ALDH1A1: variants seen among roughly 807,000 people sequenced by gnomAD.
The protein encoded by ALDH1A1 is aldehyde dehydrogenase 1 family member A1, also known as aldehyde dehydrogenase 1A1.
A neutral mutation model predicts 62.1 loss-of-function variants in ALDH1A1; 19 were observed. The ratio of observed to expected loss-of-function variants is 0.31; its 90% CI spans 0.21 to 0.45. ALDH1A1 has a LOEUF of 0.45. Ranked by LOEUF, ALDH1A1 falls within the 20% of genes least tolerant of loss-of-function variation. ALDH1A1 has a pLI of 1.00. For missense variants in ALDH1A1, 521 were observed against 607.1 expected (o/e 0.86, Z 1.49); for synonymous variants, 231 against 215.9 (o/e 1.07, Z -0.61).
In ALDH1A1 at chr9:72,917,078, G is replaced by T. The variant is rs1830075217; in HGVS notation, c.877C>A (p.His293Asn). ...DLDNAVEFAH[H>N]GVFYHQGQCC... ...TGGCCCTGGTGGTAGAATACCCCAT[G>T]GTGTGCAAATTCAACAGCATTGTCC... The change falls in exon 9 of 13, where the codon CAT (histidine) becomes AAT (asparagine). Residue 293 changes from histidine to asparagine, a missense_variant. By Grantham distance (68) the His-to-Asn change is moderately conservative. Coordinates refer to ENST00000297785, the MANE Select transcript of ALDH1A1 (RefSeq NM_000689.5). 1.9e-6 allele frequency: 3 copies of T among 1,606,538 alleles called. No homozygotes were observed. The African/African-American group carries it at 4.0e-5, about 22-fold the overall frequency.
At chr9:72,942,660 A>C (rs1358040082) in intron 1 of ALDH1A1, among the ~76,000 whole-genome samples, 7 of 152,022 alleles carry the variant, frequency 4.6e-5, no homozygotes, top group Non-Finnish European at 8.8e-5. Flanking sequence ...ATGCTTTTCC[A>C]GTCTTTTGCT....
intron 1 of ALDH1A1, chr9:72,942,321 T>G (rs760201826): frequency 2.5e-4 from 250 of 985,240 alleles, no homozygotes; most frequent in Non-Finnish European, 3.0e-4. Flanking sequence ...CACTGTCATC[T>G]CTAGCTTTAT....
Position 72,928,995 on chromosome 9 carries a change from T to C in ALDH1A1, c.339A>G (p.Lys113=), listed in dbSNP as rs1260855930. The change falls in exon 4 of 13, where the codon AAA becomes AAG. Residue 113 remains lysine (K), a synonymous_variant. Transcript: ENST00000297785. The part of the protein sequence containing the change: ...LATMESMNGG[K]LYSNAYLNDL... The stretch of plus-strand genomic sequence containing the variant: ...CATTCAGATATGCATTGGAATAGAG[T>C]TTTCCACCATTCATTGACTCCATTG... The C allele has an allele frequency of 6.2e-7, 1 of 1,613,376 alleles. No individual in the cohort carries two copies. Among genetic ancestry groups the C allele is most frequent in the South Asian group, 1.1e-5 (1 of 91,004 alleles).
intron 12 of ALDH1A1, 126 bp downstream of exon 12, chr9:72,905,832 G>T: frequency 2.8e-6 from 2 of 702,542 alleles, no homozygotes; most frequent in Non-Finnish European, 4.7e-6. Flanking sequence ...GCTATTTGGT[G>T]CTATGAATCT....
intron 7 of ALDH1A1, among the ~76,000 whole-genome samples, chr9:72,923,116 C>T (rs558340839): frequency 5.3e-5 from 8 of 152,252 alleles, no homozygotes; most frequent in African/African-American, 1.9e-4. Flanking sequence ...AGTAACAATT[C>T]CTCAAAACCC....
chr9:72,935,278 A>G (rs576409538), intron 2 of ALDH1A1, among the ~76,000 whole-genome samples: 1 of 152,324 alleles, frequency 6.6e-6, no homozygotes, highest in African/African-American at 2.4e-5. Flanking sequence ...AACAGAAAAC[A>G]ATTTGGTACA....
chr9:72,950,844 T>A (rs1466104503), intron 1 of ALDH1A1, among the ~76,000 whole-genome samples: 2 of 124,228 alleles, frequency 1.6e-5, no homozygotes, highest in African/African-American at 6.0e-5. Flanking sequence ...GGGAACTTTT[T>A]ATAGTTAATA....
At chr9:72,921,503 CTTTTTTTTTTTTTTTTTCA>C in intron 7 of ALDH1A1, among the ~76,000 whole-genome samples, 1 of 109,506 alleles carries the variant, frequency 9.1e-6, no homozygotes, top group South Asian at 3.0e-4. Flanking sequence ...ACATTTAATT[CTTTTTTTTTTTTTTTTTCA>C]TTTTTTTTTT....
chr9:72,944,760 G>A (rs1830457005), intron 1 of ALDH1A1, among the ~76,000 whole-genome samples: 1 of 152,068 alleles, frequency 6.6e-6, no homozygotes, highest in Admixed American at 6.6e-5. Flanking sequence ...TGGGTTCTAT[G>A]TAACCATTAT....
At chr9:72,936,491 G>A (rs1364576249) in intron 2 of ALDH1A1, among the ~76,000 whole-genome samples, 1 of 152,156 alleles carries the variant, frequency 6.6e-6, no homozygotes, top group Non-Finnish European at 1.5e-5. Context: ...GGCTCACTCT[G>A]TCCTTGCCCT....
intron 11 of ALDH1A1, among the ~76,000 whole-genome samples, chr9:72,909,379 C>T (rs1829950923): frequency 6.6e-6 from 1 of 152,096 alleles, no homozygotes; most frequent in Non-Finnish European, 1.5e-5. Flanking sequence ...GTCTCAAACT[C>T]CTGACCTCAG....
chr9:72,944,860 T>A (rs1830458109), intron 1 of ALDH1A1, among the ~76,000 whole-genome samples: 1 of 152,104 alleles, frequency 6.6e-6, no homozygotes, highest in Admixed American at 6.6e-5. Context: ...CTGTTTGAAA[T>A]ATTGATTGGA....
chr9:72,909,883 C>T, intron 10 of ALDH1A1, 124 bp from the exon 11 acceptor site: 1 of 784,950 alleles, frequency 1.3e-6, no homozygotes, highest in Non-Finnish European at 1.9e-6. Flanking sequence ...TCATCTCAAA[C>T]CTATGTGTGA....
At chr9:72,932,392 C>T (rs1306519134) in intron 2 of ALDH1A1, among the ~76,000 whole-genome samples, 1 of 152,164 alleles carries the variant, frequency 6.6e-6, no homozygotes, top group Non-Finnish European at 1.5e-5. Context: ...AAGACCCACA[C>T]TTACAAGTCT....
chr9:72,904,012 C>T (rs1192603931), intron 12 of ALDH1A1, among the ~76,000 whole-genome samples: 2 of 152,062 alleles, frequency 1.3e-5, no homozygotes, highest in African/African-American at 4.8e-5. Context: ...TGAATTTACA[C>T]TTTGTGACAG....
intron 5 of ALDH1A1, among the ~76,000 whole-genome samples, chr9:72,926,828 A>G (rs1489216488): frequency 6.6e-6 from 1 of 152,256 alleles, no homozygotes; most frequent in Non-Finnish European, 1.5e-5. Flanking sequence ...TAAAGAGTAC[A>G]TAATACAACT....
chr9:72,903,134 CACTT>C (rs1829828752), intron 12 of ALDH1A1, among the ~76,000 whole-genome samples: 1 of 152,008 alleles, frequency 6.6e-6, no homozygotes, highest in Admixed American at 6.6e-5. Context: ...CATTAGTTTA[CACTT>C]CCTTGCTCCC....
intron 9 of ALDH1A1, among the ~76,000 whole-genome samples, chr9:72,913,287 G>C (rs1304389176): frequency 1.5e-4 from 23 of 152,098 alleles, no homozygotes. Flanking sequence ...GTACAATGTT[G>C]CTCAACAGTC....
chr9:72,912,037 G>C lies in ALDH1A1; in HGVS notation c.1121C>G (p.Pro374Arg), dbSNP rs1399235957. Reference protein sequence around the residue: ...EGAKLECGGGPWGNKGYFVQP... With the variant: ...EGAKLECGGGRWGNKGYFVQP... ...GACAAAGTAGCCTTTATTCCCCCAC[G>C]GGCCTCCTCCACATTCCAGTTTGGC... The change falls in exon 10 of 13, where the codon CCG (proline) becomes CGG (arginine). Residue 374 changes from proline to arginine, a missense_variant. Physicochemically the swap from Pro to Arg is moderately radical, Grantham distance 103. Transcript: ENST00000297785. The C allele has an allele frequency of 5.0e-6, 8 of 1,613,832 alleles. No homozygotes were observed. Among genetic ancestry groups the C allele is most frequent in the Non-Finnish European group, 6.8e-6 (8 of 1,179,848 alleles).
Sources: allele counts gnomAD v4.1 joint callset (sites outside exome capture counted in the v4.1 genomes callset), GRCh38; gene constraint gnomAD v4.1.1; transcripts MANE v1.5; gene names NCBI Gene and HGNC (gene_info 2026-07-23, HGNC 2026-07-21).